TSFM: variants seen among roughly 807,000 people sequenced by gnomAD.
TSFM encodes the protein elongation factor Ts, mitochondrial.
Under a neutral mutation model 33.4 loss-of-function variants are expected in TSFM, and 29 were observed. That is an observed-to-expected ratio of 0.87 (90% CI 0.65 to 1.18). TSFM has a LOEUF of 1.18. Ranked by LOEUF, TSFM falls within the 50% of genes most tolerant of loss-of-function variation. The pLI, the probability that TSFM is intolerant of heterozygous loss-of-function variation, is 0.00. For synonymous variants in TSFM, 178 were observed against 163.5 expected (o/e 1.09, Z -0.68); for missense variants, 394 against 395.6 (o/e 1.00, Z 0.04).
At chr12:57,793,249 A>G (rs1955688322) in intron 5 of TSFM, among the ~76,000 whole-genome samples, 176 bp downstream of exon 5, 1 of 151,152 alleles carries the variant, frequency 6.6e-6, no homozygotes, top group African/African-American at 2.4e-5. Context: ...TTTTTCCGAG[A>G]CAGAGTCTTG....
chr12:57,796,950 C>G lies in TSFM; in HGVS notation c.*367C>G, dbSNP rs1955750125. 1.0e-6 allele frequency: 1 copy of G among 990,088 alleles called. No homozygotes were observed. The highest frequency in any genetic ancestry group is 6.1e-5 in the Admixed American group (1 of 16,364). 61.3% of individuals were successfully genotyped at this position (990,088 alleles called of 1,614,324 possible). A position where few individuals can be genotyped will look rare whatever the true frequency, so the allele number is the denominator to read the frequency against. The stretch of plus-strand genomic sequence containing the variant: ...TGTTTTTGCTTTGCGACACTGTGAA[C>G]CGTGCTTCTGCCTCGGAACCTCCCT... On this transcript the variant is annotated 3_prime_UTR_variant, in exon 6 of 6. Coordinates refer to ENST00000652027, the MANE Select transcript of TSFM (RefSeq NM_005726.6).
downstream of TSFM, chr12:57,801,251 C>A: frequency 6.4e-7 from 1 of 1,558,974 alleles, no homozygotes; most frequent in South Asian, 1.1e-5. Flanking sequence ...TGAGGTCTTT[C>A]TTATAGGGGA....
downstream of TSFM, chr12:57,797,692 A>T (rs1955763830): frequency 2.8e-6 from 2 of 715,520 alleles, no homozygotes; most frequent in Non-Finnish European, 3.8e-6. Flanking sequence ...TATGGTTAAC[A>T]TTTTAGGTAT....
chr12:57,783,863 G>A (rs1316726073), intron 2 of TSFM: 4 of 672,332 alleles, frequency 5.9e-6, no homozygotes, highest in East Asian at 5.4e-5. Context: ...TGATCCGCCC[G>A]CCTCGGCTTC....
chr12:57,793,530 C>T (rs904762674), intron 5 of TSFM, among the ~76,000 whole-genome samples: 4 of 152,156 alleles, frequency 2.6e-5, no homozygotes, highest in Non-Finnish European at 2.9e-5. Context: ...CCACATTAGG[C>T]ATCTTAAAGA....
intron 2 of TSFM, among the ~76,000 whole-genome samples, chr12:57,784,643 C>G (rs1444520368): frequency 6.6e-6 from 1 of 151,868 alleles, no homozygotes; most frequent in African/African-American, 2.4e-5. Flanking sequence ...CTTTGGGAGG[C>G]TGAGGCAAGC....
intron 3 of TSFM, among the ~76,000 whole-genome samples, chr12:57,786,724 A>G (rs1955595806): frequency 6.6e-6 from 1 of 152,156 alleles, no homozygotes; most frequent in Non-Finnish European, 1.5e-5. Context: ...AGTGGTTTGG[A>G]GTTGGGATGG....
At chr12:57,801,169 G>C (rs759190171), downstream of TSFM, 259 of 1,613,546 alleles carry the variant, frequency 1.6e-4, no homozygotes, top group Non-Finnish European at 2.1e-4. Context: ...GATAGCAGCA[G>C]CATCTCCCAG....
At chr12:57,785,536 A>G (rs1197622564) in intron 2 of TSFM, among the ~76,000 whole-genome samples, 1 of 152,040 alleles carries the variant, frequency 6.6e-6, no homozygotes, top group Non-Finnish European at 1.5e-5. Context: ...GGCGCGATAG[A>G]TCTTGGTTCA....
intron 4 of TSFM, among the ~76,000 whole-genome samples, chr12:57,791,574 C>T (rs1011447817): frequency 6.6e-6 from 1 of 152,184 alleles, no homozygotes. Flanking sequence ...CACTTATAAT[C>T]TGCTTTTTTC....
chr12:57,786,351 G>A, intron 3 of TSFM, 60 bp downstream of exon 3: 1 of 1,565,832 alleles, frequency 6.4e-7, no homozygotes, highest in Non-Finnish European at 8.7e-7. Context: ...AAAGCTTGTA[G>A]TAGGCCCTAA....
chr12:57,787,072 T>C lies in TSFM; in HGVS notation c.393T>C (p.Asn131=). The stretch of plus-strand genomic sequence containing the variant: ...GTGAGACAGATTTTGTTTCTAGAAA[T>C]TTAAAATTTCAACTGTTGGTCCAGC... The part of the protein sequence containing the change: ...VNCETDFVSR[N]LKFQLLVQQV... Residue 131 remains asparagine, a synonymous_variant, in exon 4 of 6, where the codon AAT becomes AAC. Coordinates refer to ENST00000652027, the MANE Select transcript of TSFM (RefSeq NM_005726.6). The C allele has an allele frequency of 6.2e-7, 1 of 1,613,382 alleles. No homozygotes were observed.
downstream of TSFM, among the ~76,000 whole-genome samples, chr12:57,799,146 G>A (rs1955795759): frequency 6.6e-6 from 1 of 152,198 alleles, no homozygotes; most frequent in Admixed American, 6.5e-5. Context: ...GTCAGGAAAT[G>A]CCTCCCTGGG....
Position 57,787,057 on chromosome 12 carries a change from T to C in TSFM, c.378T>C (p.Asp126=), listed in dbSNP as rs1955600215. The change falls in exon 4 of 6, where the codon GAT becomes GAC. Residue 126 remains aspartate (D), a synonymous_variant. Transcript: ENST00000652027. ...TVLVEVNCET[D]FVSRNLKFQL... The stretch of plus-strand genomic sequence containing the variant: ...TCCCACAGGTAAACTGTGAGACAGA[T>C]TTTGTTTCTAGAAATTTAAAATTTC... 2 of 1,613,556 alleles carry C rather than the reference T, an allele frequency of 1.2e-6. No homozygotes were observed. The highest frequency in any genetic ancestry group is 1.7e-6 in the Non-Finnish European group (2 of 1,179,674).
intron 2 of TSFM, among the ~76,000 whole-genome samples, chr12:57,784,735 C>T (rs1955566313): frequency 6.6e-6 from 1 of 151,624 alleles, no homozygotes; most frequent in Admixed American, 6.6e-5. Context: ...ATAAAATTAG[C>T]CTGGTGTGGT....
intron 2 of TSFM, 133 bp from the exon 3 acceptor site, chr12:57,786,030 C>A: frequency 8.9e-7 from 1 of 1,127,784 alleles, no homozygotes; most frequent in Non-Finnish European, 1.2e-6. Context: ...TGGTAGACTG[C>A]CAGTAAATGA....
rs758974048 is a variant in TSFM, at chr12:57,796,491, T to G, written c.886T>G (p.Leu296Val). 1.5e-5 allele frequency: 23 copies of G among 1,568,056 alleles called. No homozygotes were observed. Among genetic ancestry groups the G allele is most frequent in the Non-Finnish European group, 1.8e-5 (21 of 1,155,152 alleles). The change falls in exon 6 of 6, where the codon TTG (leucine) becomes GTG (valine). Residue 296 changes from leucine to valine, a missense_variant. Transcript: ENST00000652027. ...GTATTTGCTGGATCCCTCCATTACC[T>G]TGGGGCAGTATGTGCAGCCTCAGGG... ...QPYLLDPSITLGQYVQPQGVS... is the reference protein window; with the variant it reads ...QPYLLDPSITVGQYVQPQGVS...
At chr12:57,798,521 CTTGAG>C (rs1955780991), downstream of TSFM, among the ~76,000 whole-genome samples, 2 of 152,118 alleles carry the variant, frequency 1.3e-5, no homozygotes, top group African/African-American at 2.4e-5. Context: ...AGTCCAGATA[CTTGAG>C]TTGACTAGAT....
In TSFM at chr12:57,796,461, C is replaced by T. The variant is rs201754030; in HGVS notation, c.856C>T (p.Gln286Ter). 1,098 of 1,596,460 alleles carry T rather than the reference C, an allele frequency of 6.9e-4. No homozygotes were observed. Among genetic ancestry groups the T allele is most frequent in the Non-Finnish European group, 2.1e-4 (249 of 1,170,480 alleles). Residue 286 changes from glutamine (Q) to a stop codon, truncating the protein, a stop_gained, in exon 6 of 6, where the codon CAG becomes TAG. Coordinates refer to ENST00000652027, the MANE Select transcript of TSFM (RefSeq NM_005726.6). LOFTEE classifies it high-confidence loss of function. Reference sequence around the variant, plus strand: ...AGAGGCAGAGACTAAGATGCTGTCCCAGCCGTATTTGCTGGATCCCTCCAT... The same window carrying T: ...AGAGGCAGAGACTAAGATGCTGTCCTAGCCGTATTTGCTGGATCCCTCCAT... The part of the protein sequence containing the change: ...GGEAETKMLS[Q>*]PYLLDPSITL...
Sources: allele counts gnomAD v4.1 joint callset (sites outside exome capture counted in the v4.1 genomes callset), GRCh38; gene constraint gnomAD v4.1.1; transcripts MANE v1.5; gene names NCBI Gene and HGNC (gene_info 2026-07-23, HGNC 2026-07-21).